The following RTN4 variants were observed in gnomAD, a reference collection of about 807,000 sequenced individuals.
RTN4 encodes the protein reticulon 4.
In RTN4, 32 loss-of-function variants were observed where a neutral mutation model predicts 90.4. The ratio of observed to expected loss-of-function variants is 0.35; its 90% confidence interval spans 0.27 to 0.48. The LOEUF is 0.48. RTN4 is among the 20% of genes least tolerant of loss of function. RTN4 has a pLI of 0.99. For missense variants in RTN4, 1,706 were observed against 1,430.2 expected, an observed-to-expected ratio of 1.19 and a Z score of -3.11; for synonymous variants, 629 against 552.5, an observed-to-expected ratio of 1.14 and a Z score of -1.94.
intron 5 of RTN4, 73 bp downstream of exon 5, chr2:54,982,442 A>G (rs757130855): frequency 4.4e-5 from 58 of 1,311,276 alleles, no homozygotes; most frequent in Non-Finnish European, 5.9e-5. Flanking sequence ...ATATAGAAGA[A>G]CAGAATTTTA....
At position 55,026,134 on chromosome 2, in the gene RTN4, G is replaced by C; in HGVS notation, c.1965C>G (p.Asn655Lys). Reference protein sequence around the residue: ...NYESIKHEPENPPPYEEAMSV... With the variant: ...NYESIKHEPEKPPPYEEAMSV... ...TCATGGCCTCTTCATATGGTGGGGG[G>C]TTTTCAGGCTCATGTTTTATGCTTT... The change falls in exon 3 of 9, where the codon AAC (asparagine) becomes AAG (lysine). Residue 655 changes from asparagine (N) to lysine (K), a missense_variant. Asn to Lys is a moderately conservative substitution (Grantham distance 94, BLOSUM62 0). Transcript: ENST00000337526. 6.2e-7 allele frequency: 1 copy of C among 1,613,404 alleles called. No individual in the cohort carries two copies. Among genetic ancestry groups the C allele is most frequent in the Non-Finnish European group, 8.5e-7 (1 of 1,179,786 alleles).
chr2:55,039,495 T>C (rs919866863), intron 1 of RTN4, among the ~76,000 whole-genome samples: 7 of 152,196 alleles, frequency 4.6e-5, no homozygotes, highest in Non-Finnish European at 1.0e-4. Context: ...CAGTAAATAA[T>C]AGTCAATGTG....
At position 54,973,202 on chromosome 2, in the gene RTN4, A is replaced by T; in HGVS notation, c.3537-4T>A. Reference sequence around the variant, plus strand: ...TCCAGGGATTTTTGCTTGGATTCTGAAAATGAAAAAGTCAATGTAAATATC... The same window carrying T: ...TCCAGGGATTTTTGCTTGGATTCTGTAAATGAAAAAGTCAATGTAAATATC... On this transcript the variant is annotated splice_polypyrimidine_tract_variant and splice_region_variant and intron_variant, in intron 8 of 8. Transcript: ENST00000337526. The T allele has an allele frequency of 6.2e-7, 1 of 1,602,568 alleles. No homozygotes were observed. Among genetic ancestry groups the T allele is most frequent in the Admixed American group, 1.7e-5 (1 of 59,866 alleles).
At chr2:55,031,067 G>C (rs1682278461) in intron 1 of RTN4, among the ~76,000 whole-genome samples, 1 of 152,188 alleles carries the variant, frequency 6.6e-6, no homozygotes, top group Non-Finnish European at 1.5e-5. Flanking sequence ...TACGAGAAAA[G>C]AGGCATTTAA....
rs777398595 is a variant in RTN4, at chr2:55,049,612, G to A, written c.556+133C>T. On this transcript the variant is annotated intron_variant, in intron 1 of 8. Transcript: ENST00000337526. Reference sequence around the variant, plus strand: ...CCCCGCGCTTCCAACCAGACGGGGCGCCATCGCCCCGAAGTCCGCAGACAA... The same window carrying A: ...CCCCGCGCTTCCAACCAGACGGGGCACCATCGCCCCGAAGTCCGCAGACAA... The A allele has an allele frequency of 4.2e-6, 6 of 1,427,056 alleles. No individual in the cohort carries two copies. In the South Asian group the frequency reaches 7.5e-5, roughly 18 times the overall value. 88.4% of individuals were successfully genotyped at this position (1,427,056 alleles called of 1,614,324 possible). A position where few individuals can be genotyped will look rare whatever the true frequency, so the allele number is the denominator to read the frequency against.
rs1681829433 is a variant in RTN4, at chr2:55,025,963, A to T, written c.2136T>A (p.Ala712=). The change falls in exon 3 of 9, where the codon GCT becomes GCA. Residue 712 remains alanine, a synonymous_variant. Coordinates refer to ENST00000337526, the MANE Select transcript of RTN4 (RefSeq NM_020532.5). ...IKETKLSAEP[A]PDFSDYSEMA... ...TTTCTGAATAATCAGAGAAATCCGGAGCTGGTTCAGCAGAAAGCTTTGTTT... is the reference window on the plus strand; with the variant it reads ...TTTCTGAATAATCAGAGAAATCCGGTGCTGGTTCAGCAGAAAGCTTTGTTT... 1 of 1,613,020 alleles carries T rather than the reference A, an allele frequency of 6.2e-7. No individual in the cohort carries two copies. The highest frequency in any genetic ancestry group is 8.5e-7 in the Non-Finnish European group (1 of 1,179,828).
chr2:55,086,370 T>C (rs1469507493), intron 1 of RTN4, among the ~76,000 whole-genome samples: 1 of 151,850 alleles, frequency 6.6e-6, no homozygotes, highest in East Asian at 1.9e-4. Context: ...AGAAATAGAA[T>C]ATGACCAGGG....
chr2:55,110,396 A>G (rs1286241534), intron 1 of RTN4, among the ~76,000 whole-genome samples: 2 of 152,078 alleles, frequency 1.3e-5, no homozygotes, highest in African/African-American at 2.4e-5. Flanking sequence ...CATAGCCCAA[A>G]TGGCCCCTGA....
chr2:55,131,160 C>A, the RTN4 span, among the ~76,000 whole-genome samples: 1 of 151,968 alleles, frequency 6.6e-6, no homozygotes, highest in Non-Finnish European at 1.5e-5. Flanking sequence ...TCACTACAAC[C>A]TCCACCTCTT....
intron 1 of RTN4, among the ~76,000 whole-genome samples, chr2:55,031,456 G>A (rs1356389774): frequency 6.6e-6 from 1 of 152,216 alleles, no homozygotes; most frequent in Non-Finnish European, 1.5e-5. Context: ...AATCTGGATA[G>A]GGGTTCCTCT....
At chr2:55,060,191 A>G (rs6707036) in intron 2 of RTN4, among the ~76,000 whole-genome samples, 46,317 of 152,074 alleles carry the variant, frequency 0.3, 7,285 homozygotes, top group Middle Eastern at 0.35. Context: ...AGCTTTTTAT[A>G]TTTGGCTATT....
chr2:55,128,824 G>C, the RTN4 span, among the ~76,000 whole-genome samples: 2 of 150,288 alleles, frequency 1.3e-5, no homozygotes, highest in Non-Finnish European at 3.0e-5. Context: ...GTGGGAGAGA[G>C]GGCTGGGCAC....
At position 54,978,417 on chromosome 2, in the gene RTN4, C is replaced by T. The variant is rs372360859; in HGVS notation, c.3361-3653G>A. On this transcript the variant is annotated intron_variant, in intron 5 of 8. Coordinates refer to ENST00000337526, the MANE Select transcript of RTN4 (RefSeq NM_020532.5). ...CCGCCCTCCAGCCTGGGTGACACAG[C>T]GAGACTCTATCTCCAAAAAAAAAAA... Among the ~76,000 whole-genome samples, 202 of 118,910 alleles carry T rather than the reference C, an allele frequency of 1.7e-3. No individual in the cohort carries two copies. The Middle Eastern group carries it at 0.039, about 23-fold the overall frequency. The allele number at this position is 118,910 out of a possible 152,430, so 78.0% of individuals were successfully genotyped here.
rs368122927 is a variant in RTN4 at position 55,026,205 on chromosome 2, T to C, written c.1894A>G (p.Ile632Val). Residue 632 changes from isoleucine (I) to valine (V), a missense_variant, in exon 3 of 9, where the codon ATA (isoleucine) becomes GTA (valine). Physicochemically the swap from Ile to Val is conservative, Grantham distance 29. Coordinates refer to ENST00000337526, the MANE Select transcript of RTN4 (RefSeq NM_020532.5). ...SAVPSAGASV[I>V]QPSSSPLEAS... ...TCTAATGGTGATGAGCTGGGCTGTATCACGGAAGCACCAGCACTAGGAACT... is the reference window on the plus strand; with the variant it reads ...TCTAATGGTGATGAGCTGGGCTGTACCACGGAAGCACCAGCACTAGGAACT... 10 of 1,613,614 alleles carry C rather than the reference T, an allele frequency of 6.2e-6. No individual in the cohort carries two copies. The Admixed American group carries it at 1.3e-4, about 22-fold the overall frequency.
intron 3 of RTN4, among the ~76,000 whole-genome samples, chr2:54,994,378 A>G (rs1387249876): frequency 6.6e-6 from 1 of 152,218 alleles, no homozygotes; most frequent in Non-Finnish European, 1.5e-5. Context: ...AAGATTATAC[A>G]CCATGGCCAA....
the RTN4 span, among the ~76,000 whole-genome samples, chr2:55,124,673 T>A: frequency 6.6e-6 from 1 of 152,184 alleles, no homozygotes; most frequent in Non-Finnish European, 1.5e-5. Flanking sequence ...GCTATTCCTA[T>A]CAAACTACCA....
the RTN4 span, among the ~76,000 whole-genome samples, chr2:55,123,034 C>T: frequency 1.3e-5 from 2 of 152,210 alleles, no homozygotes; most frequent in Non-Finnish European, 2.9e-5. Flanking sequence ...CACTGCAAAT[C>T]CAATATCCAC....
chr2:55,111,278 T>A (rs1668034194), intron 1 of RTN4, among the ~76,000 whole-genome samples: 2 of 152,110 alleles, frequency 1.3e-5, no homozygotes, highest in Non-Finnish European at 2.9e-5. Context: ...TCCGAGATTT[T>A]AAAAACAGAG....
intron 2 of RTN4, among the ~76,000 whole-genome samples, chr2:55,070,928 C>T (rs1436189438): frequency 6.6e-6 from 1 of 152,054 alleles, no homozygotes; most frequent in South Asian, 2.1e-4. Context: ...AGGTGCCCAC[C>T]ACCACGCCTG....
Sources: gnomAD v4.1 joint callset for allele counts (sites outside exome capture counted in the v4.1 genomes callset) on GRCh38, gnomAD v4.1.1 for gene constraint, MANE v1.5 for transcripts, NCBI Gene and HGNC (gene_info 2026-07-23, HGNC 2026-07-21) for gene names.